EFCAB14: variants seen among roughly 807,000 people sequenced by gnomAD.
EFCAB14 encodes the protein EF-hand calcium-binding domain-containing protein 14.
Under a neutral mutation model 56.5 loss-of-function variants are expected in EFCAB14, and 43 were observed. That is an observed-to-expected ratio of 0.76 (90% confidence interval 0.60 to 0.98). The LOEUF (loss-of-function observed/expected upper bound fraction) is 0.98. Among genes scored for constraint, EFCAB14 ranks in the 50% least tolerant of loss-of-function variants. EFCAB14 has a pLI of 0.00. For missense variants in EFCAB14, 538 were observed against 580.3 expected (o/e 0.93, Z 0.75); for synonymous variants, 235 against 212.9 (o/e 1.10, Z -0.90).
chr1:46,675,801 T>G lies in EFCAB14; in HGVS notation c.*2660A>C, dbSNP rs1676685451. The G allele has an allele frequency of 6.6e-6, 1 of 152,244 alleles. No homozygotes were observed. The highest frequency in any genetic ancestry group is 2.4e-5 in the African/African-American group (1 of 41,468). The allele number at this position is 152,244 out of a possible 1,614,324, so 9.4% of individuals were successfully genotyped here. ...TTCTTCTTTTTATATGCTACCTTTT[T>G]GCCTCTCTGATTTATGGGGAGGCTC... On this transcript the variant is annotated 3_prime_UTR_variant, in exon 11 of 11. Coordinates refer to ENST00000371933, the MANE Select transcript of EFCAB14 (RefSeq NM_014774.3).
At chr1:46,709,119 T>C (rs1181387772) in intron 2 of EFCAB14, among the ~76,000 whole-genome samples, 1 of 152,222 alleles carries the variant, frequency 6.6e-6, no homozygotes, top group Non-Finnish European at 1.5e-5. Flanking sequence ...TGCTATTTTG[T>C]TCACTTCTAC....
intron 8 of EFCAB14, chr1:46,686,537 C>A (rs1312413135): frequency 4.0e-6 from 2 of 497,362 alleles, no homozygotes; most frequent in Non-Finnish European, 7.2e-6. Flanking sequence ...AGCTCCACCA[C>A]AATAGGGGTC....
intron 2 of EFCAB14, among the ~76,000 whole-genome samples, chr1:46,710,089 G>A (rs1313868343): frequency 8.5e-5 from 13 of 152,160 alleles, no homozygotes; most frequent in Non-Finnish European, 1.9e-4. Flanking sequence ...CTTATTTTAA[G>A]CAAGCTTACT....
chr1:46,682,188 C>G (rs1676806949), intron 10 of EFCAB14: 1 of 152,160 alleles, frequency 6.6e-6, no homozygotes, highest in African/African-American at 2.4e-5. Context: ...CAGGAAATTC[C>G]AACAGAGTGA....
rs1353645181 is a variant in EFCAB14, at chr1:46,684,702, C to T, written c.1075-100G>A. The T allele has an allele frequency of 9.9e-6, 9 of 904,900 alleles. No homozygotes were observed. The Admixed American group carries it at 1.2e-4, about 12-fold the overall frequency. The allele number at this position is 904,900 out of a possible 1,614,324, so 56.1% of individuals were successfully genotyped here. ...GCCTGTTTAGCATGTAGTGTTTGAC[C>T]CTCAGTAGGTTCCCTATAAAGACAA... On this transcript the variant is annotated intron_variant, in intron 8 of 10. Coordinates refer to ENST00000371933, the MANE Select transcript of EFCAB14 (RefSeq NM_014774.3).
intron 6 of EFCAB14, 136 bp from the exon 7 acceptor site, chr1:46,688,680 T>C (rs1317410995): frequency 1.3e-6 from 1 of 771,820 alleles, no homozygotes; most frequent in Non-Finnish European, 2.0e-6. Context: ...ATCAATCGTC[T>C]GTCTTTGCTT....
At chr1:46,698,213 C>T (rs963853860) in intron 3 of EFCAB14, among the ~76,000 whole-genome samples, 1 of 152,104 alleles carries the variant, frequency 6.6e-6, no homozygotes. Context: ...TGGTCTGAGA[C>T]AGGGAGTCTG....
chr1:46,684,302 T>C, intron 9 of EFCAB14, 189 bp downstream of exon 9: 1 of 565,510 alleles, frequency 1.8e-6, no homozygotes. Flanking sequence ...CTTAATAGAC[T>C]AGAGTACAAA....
At chr1:46,689,047 T>C (rs1676936093) in intron 6 of EFCAB14, among the ~76,000 whole-genome samples, 1 of 152,208 alleles carries the variant, frequency 6.6e-6, no homozygotes, top group Non-Finnish European at 1.5e-5. Context: ...GAATGATAAC[T>C]ATAGGTTTTA....
Position 46,689,614 on chromosome 1 carries a change from A to T in EFCAB14, c.768T>A (p.Asn256Lys). Residue 256 changes from asparagine (N) to lysine (K), a missense_variant, in exon 6 of 11, where the codon AAT (asparagine) becomes AAA (lysine). Transcript: ENST00000371933. ...PSPSATSELD[N>K]KTHSENLKQD... ...GTTTCAAATTCTCACTGTGGGTTTT[A>T]TTGTCAAGTTCTGATGTGGCTGAAG... 1 of 1,613,888 alleles carries T rather than the reference A, an allele frequency of 6.2e-7. No individual in the cohort carries two copies. Among genetic ancestry groups the T allele is most frequent in the Non-Finnish European group, 8.5e-7 (1 of 1,179,808 alleles).
At chr1:46,707,848 T>G (rs1677255055) in intron 3 of EFCAB14, 58 bp downstream of exon 3, 2 of 1,556,212 alleles carry the variant, frequency 1.3e-6, no homozygotes, top group East Asian at 4.5e-5. Flanking sequence ...ATCCTATTCA[T>G]ACTAAACAAC....
At position 46,716,478 on chromosome 1, in the gene EFCAB14, A is replaced by G. The variant is rs1332931894; in HGVS notation, c.186-35T>C. 40 of 1,611,560 alleles carry G rather than the reference A, an allele frequency of 2.5e-5. No individual in the cohort carries two copies. The Admixed American group carries it at 6.4e-4, about 26-fold the overall frequency. ...AGGACAAATTCAACCATGAGTACAAAAGTGATTATGGGTATAGCTTTATTA... is the reference window on the plus strand; with the variant it reads ...AGGACAAATTCAACCATGAGTACAAGAGTGATTATGGGTATAGCTTTATTA... On this transcript the variant is annotated intron_variant, in intron 1 of 10. Coordinates refer to ENST00000371933, the MANE Select transcript of EFCAB14 (RefSeq NM_014774.3).
chr1:46,699,333 G>C (rs1194735742), intron 3 of EFCAB14, among the ~76,000 whole-genome samples: 1 of 152,216 alleles, frequency 6.6e-6, no homozygotes, highest in African/African-American at 2.4e-5. Context: ...AGGGAACACA[G>C]TATGAACAGG....
At chr1:46,700,620 T>A (rs1171824956) in intron 3 of EFCAB14, among the ~76,000 whole-genome samples, 1 of 152,222 alleles carries the variant, frequency 6.6e-6, no homozygotes, top group Non-Finnish European at 1.5e-5. Context: ...TCTAGGAATA[T>A]CCATCAAAAT....
rs1294423463 is a variant in EFCAB14 at position 46,676,762 on chromosome 1, A to G, written c.*1699T>C. ...GAAACTGAGCATAAGCTATAATGAG[A>G]TAAGGGGACACATTCATGGGAAAAG... On this transcript the variant is annotated 3_prime_UTR_variant, in exon 11 of 11. Coordinates refer to ENST00000371933, the MANE Select transcript of EFCAB14 (RefSeq NM_014774.3). The G allele has an allele frequency of 6.6e-6, 1 of 152,586 alleles. No individual in the cohort carries two copies. The highest frequency in any genetic ancestry group is 1.5e-5 in the Non-Finnish European group (1 of 68,036). The allele number at this position is 152,586 out of a possible 1,614,324, so 9.5% of individuals were successfully genotyped here. A position where few individuals can be genotyped will look rare whatever the true frequency, so the allele number is the denominator to read the frequency against.
chr1:46,683,640 T>C (rs1057027537), intron 9 of EFCAB14, among the ~76,000 whole-genome samples: 1 of 152,138 alleles, frequency 6.6e-6, no homozygotes, highest in South Asian at 2.1e-4. Context: ...TACGTTAAGG[T>C]TTGCAGCAGC....
chr1:46,698,949 C>A (rs1369636496), intron 3 of EFCAB14, among the ~76,000 whole-genome samples: 1 of 102,708 alleles, frequency 9.7e-6, no homozygotes, highest in East Asian at 2.8e-4. Flanking sequence ...TGTGTAGTCT[C>A]GGCAAGAGAT....
At chr1:46,713,775 C>G (rs1373534283) in intron 2 of EFCAB14, among the ~76,000 whole-genome samples, 1 of 152,270 alleles carries the variant, frequency 6.6e-6, no homozygotes, top group Non-Finnish European at 1.5e-5. Flanking sequence ...CAATTAACTA[C>G]AGAGAGATGA....
At chr1:46,716,242 C>G (rs573789306) in intron 2 of EFCAB14, 53 bp downstream of exon 2, 1 of 1,471,972 alleles carries the variant, frequency 6.8e-7, no homozygotes, top group Admixed American at 2.4e-5. Flanking sequence ...GAGCAAGACC[C>G]TGTCTCAAAA....
Sources: gnomAD v4.1 joint callset for allele counts (sites outside exome capture counted in the v4.1 genomes callset) on GRCh38, gnomAD v4.1.1 for gene constraint, MANE v1.5 for transcripts, NCBI Gene and HGNC (gene_info 2026-07-23, HGNC 2026-07-21) for gene names.